CFAP58: variants seen among roughly 807,000 people sequenced by gnomAD.
The protein encoded by CFAP58 is cilia- and flagella-associated protein 58.
In CFAP58, 88 loss-of-function variants were observed where a neutral mutation model predicts 119.5. That is an observed-to-expected ratio of 0.74 (90% CI 0.62 to 0.88). The LOEUF (loss-of-function observed/expected upper bound fraction) is 0.88, where lower values mean the gene tolerates loss of function less well. Ranked by LOEUF, CFAP58 falls within the 40% of genes least tolerant of loss-of-function variation. The pLI is 0.00. For missense variants in CFAP58, 990 were observed against 1,021.2 expected (o/e 0.97, Z 0.42); for synonymous variants, 365 against 366.3 (o/e 1.00, Z 0.04).
At chr10:104,382,212 C>A (rs1371360331) in intron 9 of CFAP58, 1 of 717,288 alleles carries the variant, frequency 1.4e-6, no homozygotes, top group South Asian at 1.5e-5. Context: ...CCTCTGCTGA[C>A]AAGGGAAGGG....
the CFAP58 span, among the ~76,000 whole-genome samples, chr10:104,340,637 G>C: frequency 6.6e-6 from 1 of 152,260 alleles, no homozygotes; most frequent in South Asian, 2.1e-4. Context: ...CTCCTGCTTC[G>C]AACAGTGAAA....
chr10:104,428,951 A>G (rs1006392459), intron 15 of CFAP58, among the ~76,000 whole-genome samples: 4 of 152,248 alleles, frequency 2.6e-5, no homozygotes, highest in African/African-American at 9.6e-5. Flanking sequence ...TGGAGGAGAC[A>G]CTGTCCAGGT....
chr10:104,363,102 A>G (rs1282813871), intron 3 of CFAP58, among the ~76,000 whole-genome samples: 1 of 152,226 alleles, frequency 6.6e-6, no homozygotes, highest in Non-Finnish European at 1.5e-5. Flanking sequence ...CTCCACATCC[A>G]GACTCCAATG....
the CFAP58 span, among the ~76,000 whole-genome samples, chr10:104,339,188 C>G: frequency 6.6e-6 from 1 of 152,204 alleles, no homozygotes; most frequent in East Asian, 1.9e-4. Flanking sequence ...CCGCGCCCGA[C>G]TTTTATGATA....
chr10:104,415,264 G>A (rs2012531895), intron 15 of CFAP58, among the ~76,000 whole-genome samples: 1 of 152,146 alleles, frequency 6.6e-6, no homozygotes, highest in South Asian at 2.1e-4. Flanking sequence ...CGGGGAGCAG[G>A]AAAGTGAGAT....
rs530092209 is a variant in CFAP58, at chr10:104,442,753, C to T, written c.2257-4945C>T. Among the ~76,000 whole-genome samples the T allele has an allele frequency of 2.0e-5, 3 of 152,234 alleles. No homozygotes were observed. In the South Asian group the frequency reaches 6.2e-4, roughly 32 times the overall value. On this transcript the variant is annotated intron_variant, in intron 15 of 17. Coordinates refer to ENST00000369704, the MANE Select transcript of CFAP58 (RefSeq NM_001008723.2). Reference sequence around the variant, plus strand: ...TACTTGAACTATCAGAAAACCTCTACAAATATTGAAGAGATCAAGGCAAAG... The same window carrying T: ...TACTTGAACTATCAGAAAACCTCTATAAATATTGAAGAGATCAAGGCAAAG...
chr10:104,439,377 G>C (rs1196019048), intron 15 of CFAP58, among the ~76,000 whole-genome samples: 1 of 152,016 alleles, frequency 6.6e-6, no homozygotes, highest in Non-Finnish European at 1.5e-5. Context: ...ATAATATAAT[G>C]TTGTCAGTTA....
chr10:104,345,159 A>C, the CFAP58 span, among the ~76,000 whole-genome samples: 3 of 152,018 alleles, frequency 2.0e-5, no homozygotes, highest in African/African-American at 4.8e-5. Context: ...AAAAAAACAA[A>C]AACAAAAAGC....
intron 12 of CFAP58, 103 bp from the exon 13 acceptor site, chr10:104,400,577 C>A: frequency 2.2e-6 from 2 of 920,396 alleles, no homozygotes; most frequent in Non-Finnish European, 3.5e-6. Flanking sequence ...GTGCCCAGTA[C>A]ATGTGGGCGT....
At chr10:104,406,668 A>T in intron 14 of CFAP58, 21 bp from the exon 15 acceptor site, 1 of 1,599,678 alleles carries the variant, frequency 6.3e-7, no homozygotes, top group East Asian at 2.2e-5. Flanking sequence ...CTCAGCTGCT[A>T]TTGTTGTTCC....
At chr10:104,365,568 A>T (rs549927986) in intron 4 of CFAP58, among the ~76,000 whole-genome samples, 1 of 152,172 alleles carries the variant, frequency 6.6e-6, no homozygotes, top group Non-Finnish European at 1.5e-5. Context: ...ATTTTATACC[A>T]CACTTTGTGG....
In CFAP58 at chr10:104,400,706, G is replaced by A; in HGVS notation, c.1842G>A (p.Gly614=). 6.2e-7 allele frequency: 1 copy of A among 1,614,016 alleles called. No homozygotes were observed. The highest frequency in any genetic ancestry group is 1.7e-4 in the Middle Eastern group (1 of 5,984). ...TCATCAGTGAGAGAGATATCCTGGG[G>A]TCTCAGCTTGTTCGGCGCAATGATG... ...DQVISERDIL[G]SQLVRRNDEL... is the part of the protein sequence containing the mutation. The change falls in exon 13 of 18, where the codon GGG becomes GGA. Residue 614 remains glycine, a synonymous_variant. Transcript: ENST00000369704.
rs184469300 is a variant in CFAP58, at chr10:104,451,650, C to T, written c.2510+1446C>T. ...TTTCTTTTAGGATATCAAGGTTGTGCTCATAAAATGTCAACATGGTTAATT... is the reference window on the plus strand; with the variant it reads ...TTTCTTTTAGGATATCAAGGTTGTGTTCATAAAATGTCAACATGGTTAATT... On this transcript the variant is annotated intron_variant, in intron 17 of 17. Transcript: ENST00000369704. 3.2e-3 allele frequency among the ~76,000 whole-genome samples: 491 copies of T among 152,334 alleles called. 1 individual carries two copies. Among genetic ancestry groups the T allele is most frequent in the Non-Finnish European group, 5.1e-3 (350 of 68,030 alleles).
At chr10:104,392,425 G>T (rs1219061750) in intron 10 of CFAP58, 31 bp downstream of exon 10, 2 of 1,434,924 alleles carry the variant, frequency 1.4e-6, no homozygotes, top group South Asian at 2.8e-5. Flanking sequence ...CTTACATTTT[G>T]ATTTATTTTT....
chr10:104,389,720 C>T (rs996608001), intron 9 of CFAP58, among the ~76,000 whole-genome samples: 4 of 152,220 alleles, frequency 2.6e-5, no homozygotes, highest in African/African-American at 4.8e-5. Context: ...TTTTACAGTG[C>T]CTGCCATAGA....
chr10:104,380,632 A>C (rs1479666952), intron 9 of CFAP58, among the ~76,000 whole-genome samples: 1 of 152,196 alleles, frequency 6.6e-6, no homozygotes, highest in Non-Finnish European at 1.5e-5. Flanking sequence ...GTTAGGAGAA[A>C]AGCATCTAAT....
Position 104,353,858 on chromosome 10 carries a change from T to C in CFAP58, c.-40T>C. ...AGACTCCGGCCCAGCTCCTGCGATC[T>C]CCACAGCAGCCTCTGAGGCCGCCCC... On this transcript the variant is annotated 5_prime_UTR_variant, in exon 1 of 18. Coordinates refer to ENST00000369704, the MANE Select transcript of CFAP58 (RefSeq NM_001008723.2). 3 of 1,603,994 alleles carry C rather than the reference T, an allele frequency of 1.9e-6. No homozygotes were observed. Among genetic ancestry groups the C allele is most frequent in the East Asian group, 2.2e-5 (1 of 44,674 alleles).
chr10:104,377,112 T>C (rs566894778), intron 8 of CFAP58, among the ~76,000 whole-genome samples: 1 of 152,378 alleles, frequency 6.6e-6, no homozygotes, highest in African/African-American at 2.4e-5. Context: ...AAAAAGACTT[T>C]GGAGAATTAG....
At chr10:104,401,492 T>G (rs1034936377) in intron 13 of CFAP58, among the ~76,000 whole-genome samples, 1 of 152,238 alleles carries the variant, frequency 6.6e-6, no homozygotes, top group Non-Finnish European at 1.5e-5. Context: ...TTACACAAGA[T>G]CTACTTTCCC....
Sources: allele counts gnomAD v4.1 joint callset (sites outside exome capture counted in the v4.1 genomes callset), GRCh38; gene constraint gnomAD v4.1.1; transcripts MANE v1.5; gene names NCBI Gene and HGNC (gene_info 2026-07-23, HGNC 2026-07-21).